KIRREL3: variants seen among roughly 807,000 people sequenced by gnomAD.
KIRREL3 encodes kirre like nephrin family adhesion molecule 3, also known as kin of IRRE-like protein 3.
A neutral mutation model predicts 89.7 loss-of-function variants in KIRREL3; 36 were observed. The observed-to-expected ratio is 0.40, with a 90% CI of 0.31 to 0.53. The LOEUF is 0.53. KIRREL3 is among the 20% of genes least tolerant of loss of function. The probability of loss-of-function intolerance (pLI) is 0.49; values close to 1 mark genes in which losing one functional copy is unlikely to be tolerated. For missense variants in KIRREL3, 864 were observed against 1,056.6 expected (o/e 0.82, Z 2.53); for synonymous variants, 445 against 441.4 (o/e 1.01, Z -0.10).
At position 126,734,646 on chromosome 11, in the gene KIRREL3, G is replaced by A. The variant is rs151187714; in HGVS notation, c.56-171734C>T. On this transcript the variant is annotated intron_variant, in intron 1 of 16. Transcript: ENST00000525144. The surrounding 1 kb of genome is among the most constrained non-coding windows in gnomAD (Gnocchi z 5.9). ...TTGCACTCCAGCCTGGGCAACAAGAGTGAAACTCTGTCTCAAAAGAAAAAA... is the reference window on the plus strand; with the variant it reads ...TTGCACTCCAGCCTGGGCAACAAGAATGAAACTCTGTCTCAAAAGAAAAAA... Among the ~76,000 whole-genome samples the A allele has an allele frequency of 0.014, 2,119 of 151,912 alleles. 45 individuals are homozygous for A. The highest frequency in any genetic ancestry group is 0.045 in the African/African-American group (1,860 of 41,398).
At chr11:126,433,198 G>C (rs1330316481) in intron 13 of KIRREL3, among the ~76,000 whole-genome samples, 1 of 152,224 alleles carries the variant, frequency 6.6e-6, no homozygotes, top group African/African-American at 2.4e-5. Context: ...CAGTCTTAAA[G>C]GCCAGGAAAG....
chr11:126,656,634 A>G lies in KIRREL3; in HGVS notation c.56-93722T>C, dbSNP rs547258124. ...TAAATCTTCATGCTTTTACCACCTTATACTGAGTAAGAAGATGAATTTGCA... is the reference window on the plus strand; with the variant it reads ...TAAATCTTCATGCTTTTACCACCTTGTACTGAGTAAGAAGATGAATTTGCA... On this transcript the variant is annotated intron_variant, in intron 1 of 16. Coordinates refer to ENST00000525144, the MANE Select transcript of KIRREL3 (RefSeq NM_032531.4). This position sits in a 1 kb window ranked among gnomAD's most constrained non-coding sequence, Gnocchi z 4.0. Among the ~76,000 whole-genome samples the G allele has an allele frequency of 6.6e-6, 1 of 152,316 alleles. No homozygotes were observed. The highest frequency in any genetic ancestry group is 2.1e-4 in the South Asian group (1 of 4,828).
chr11:126,590,521 C>T (rs1207211483), intron 1 of KIRREL3, among the ~76,000 whole-genome samples: 1 of 152,224 alleles, frequency 6.6e-6, no homozygotes. Context: ...TCTGCCGTGG[C>T]TGCATGCGGC....
Position 126,683,264 on chromosome 11 carries a change from A to G in KIRREL3, c.56-120352T>C, listed in dbSNP as rs1264970763. Among the ~76,000 whole-genome samples the G allele has an allele frequency of 1.3e-5, 2 of 152,336 alleles. No homozygotes were observed. Among genetic ancestry groups the G allele is most frequent in the Non-Finnish European group, 2.9e-5 (2 of 68,018 alleles). ...AATAGTTTTGGGAGTTCTGGGAGCT[A>G]CTTCCAAGGGCATGAACCAAATCTG... On this transcript the variant is annotated intron_variant, in intron 1 of 16. Coordinates refer to ENST00000525144, the MANE Select transcript of KIRREL3 (RefSeq NM_032531.4). This position sits in a 1 kb window ranked among gnomAD's most constrained non-coding sequence, Gnocchi z 5.2.
chr11:126,532,397 C>T (rs569425498), intron 2 of KIRREL3, among the ~76,000 whole-genome samples: 92 of 137,274 alleles, frequency 6.7e-4, no homozygotes, highest in Non-Finnish European at 9.8e-4. Flanking sequence ...TATTTTGAGA[C>T]GGAGTCTTGC....
intron 1 of KIRREL3, among the ~76,000 whole-genome samples, chr11:126,871,829 A>G (rs930720159): frequency 2.0e-5 from 3 of 152,220 alleles, no homozygotes; most frequent in African/African-American, 7.2e-5. Context: ...ACATTTCATC[A>G]GGTCCTGAAC....
At chr11:126,841,195 G>A (rs1443728477) in intron 1 of KIRREL3, among the ~76,000 whole-genome samples, 4 of 152,186 alleles carry the variant, frequency 2.6e-5, no homozygotes, top group Non-Finnish European at 5.9e-5. Flanking sequence ...AGATAAAGGG[G>A]TCTACTGTCC....
At chr11:126,600,769 G>C (rs1025747303) in intron 1 of KIRREL3, among the ~76,000 whole-genome samples, 6 of 152,184 alleles carry the variant, frequency 3.9e-5, no homozygotes, top group African/African-American at 1.4e-4. Context: ...ATTCAAGGAA[G>C]GGCTCCTTAT....
Position 126,748,790 on chromosome 11 carries a change from T to G in KIRREL3, c.56-185878A>C, listed in dbSNP as rs1311955858. On this transcript the variant is annotated intron_variant, in intron 1 of 16. Transcript: ENST00000525144. This position sits in a 1 kb window ranked among gnomAD's most constrained non-coding sequence, Gnocchi z 4.6. The stretch of plus-strand genomic sequence containing the variant: ...CCCACCGAAACTGTGCATGGGATCC[T>G]TTTGTAATCTGTAGGCTTCAGTCTA... Among the ~76,000 whole-genome samples, 1 of 152,228 alleles carries G rather than the reference T, an allele frequency of 6.6e-6. No individual in the cohort carries two copies. The highest frequency in any genetic ancestry group is 1.5e-5 in the Non-Finnish European group (1 of 68,038).
In KIRREL3 at chr11:126,579,586, C is replaced by A. The variant is rs1469501608; in HGVS notation, c.56-16674G>T. On this transcript the variant is annotated intron_variant, in intron 1 of 16. Coordinates refer to ENST00000525144, the MANE Select transcript of KIRREL3 (RefSeq NM_032531.4). This position sits in a 1 kb window ranked among gnomAD's most constrained non-coding sequence, Gnocchi z 5.3. ...GGGAGACAGAGAGTGAGAAAAGGGG[C>A]AGAAAAAACAGGGCAGGGTACAAAG... Among the ~76,000 whole-genome samples, 1 of 150,690 alleles carries A rather than the reference C, an allele frequency of 6.6e-6. No homozygotes were observed. Among genetic ancestry groups the A allele is most frequent in the Non-Finnish European group, 1.5e-5 (1 of 67,804 alleles).
At chr11:126,960,895 C>T (rs1949065655) in intron 1 of KIRREL3, among the ~76,000 whole-genome samples, 1 of 152,142 alleles carries the variant, frequency 6.6e-6, no homozygotes. Flanking sequence ...TTGTGTCTCA[C>T]ATTATGGTTA....
chr11:126,634,164 G>GT (rs767737573), intron 1 of KIRREL3, among the ~76,000 whole-genome samples: 3 of 152,168 alleles, frequency 2.0e-5, no homozygotes, highest in Non-Finnish European at 2.9e-5. Context: ...GACTGGGTGT[G>GT]TTGTCTGTAT....
At position 126,753,840 on chromosome 11, in the gene KIRREL3, A is replaced by G. The variant is rs140776008; in HGVS notation, c.56-190928T>C. ...ATGAGGCTCCATGCATCTTCATTAC[A>G]TGCTTAGAGATGATTAGATAGAAGG... On this transcript the variant is annotated intron_variant, in intron 1 of 16. Transcript: ENST00000525144. Among the ~76,000 whole-genome samples the G allele has an allele frequency of 2.4e-3, 368 of 152,300 alleles. 3 individuals carry two copies. Among genetic ancestry groups the G allele is most frequent in the African/African-American group, 8.3e-3 (346 of 41,576 alleles).
chr11:126,949,807 C>T (rs2135142874), intron 1 of KIRREL3, among the ~76,000 whole-genome samples: 1 of 152,326 alleles, frequency 6.6e-6, no homozygotes, highest in South Asian at 2.1e-4. Flanking sequence ...AGGAACCACC[C>T]ACAGATGGTC....
chr11:126,924,375 C>T lies in KIRREL3; in HGVS notation c.55+76080G>A, dbSNP rs1296091855. ...CAGAAAGCTGTCTCCCAGCACCTAGCATAACACCAGGTCCTTATAAGTACT... is the reference window on the plus strand; with the variant it reads ...CAGAAAGCTGTCTCCCAGCACCTAGTATAACACCAGGTCCTTATAAGTACT... On this transcript the variant is annotated intron_variant, in intron 1 of 16. Coordinates refer to ENST00000525144, the MANE Select transcript of KIRREL3 (RefSeq NM_032531.4). The surrounding 1 kb of genome is among the most constrained non-coding windows in gnomAD (Gnocchi z 4.7). Among the ~76,000 whole-genome samples, 1 of 152,194 alleles carries T rather than the reference C, an allele frequency of 6.6e-6. No homozygotes were observed. The highest frequency in any genetic ancestry group is 6.5e-5 in the Admixed American group (1 of 15,290).
intron 1 of KIRREL3, among the ~76,000 whole-genome samples, chr11:126,803,712 T>C (rs1951112646): frequency 6.6e-6 from 1 of 152,112 alleles, no homozygotes; most frequent in Non-Finnish European, 1.5e-5. Flanking sequence ...GGCTGTCACC[T>C]GTGCTGTCCC....
Position 126,607,329 on chromosome 11 carries a change from G to A in KIRREL3, c.56-44417C>T, listed in dbSNP as rs759146835. ...GTGTGGTTTTGGGCAGACAGAACGG[G>A]TTTCTTATGGCTGGGGCTGCTTTCT... On this transcript the variant is annotated intron_variant, in intron 1 of 16. Coordinates refer to ENST00000525144, the MANE Select transcript of KIRREL3 (RefSeq NM_032531.4). This position sits in a 1 kb window ranked among gnomAD's most constrained non-coding sequence, Gnocchi z 6.6. Among the ~76,000 whole-genome samples, 9 of 152,220 alleles carry A rather than the reference G, an allele frequency of 5.9e-5. No homozygotes were observed. The highest frequency in any genetic ancestry group is 2.2e-4 in the African/African-American group (9 of 41,450).
In KIRREL3 at chr11:126,655,783, A is replaced by T. The variant is rs1458027597; in HGVS notation, c.56-92871T>A. Among the ~76,000 whole-genome samples the T allele has an allele frequency of 6.6e-6, 1 of 152,200 alleles. No individual in the cohort carries two copies. The highest frequency in any genetic ancestry group is 1.9e-4 in the East Asian group (1 of 5,186). ...GCTCAGGTTTCTGTGTGGCAACAGC[A>T]TGATAAAAATTCTGTCCACTCTACC... is the stretch of plus-strand genomic sequence containing the variant. On this transcript the variant is annotated intron_variant, in intron 1 of 16. Transcript: ENST00000525144. The surrounding 1 kb of genome is among the most constrained non-coding windows in gnomAD (Gnocchi z 5.0).
At chr11:126,529,267 G>T (rs1332641409) in intron 2 of KIRREL3, among the ~76,000 whole-genome samples, 4 of 152,304 alleles carry the variant, frequency 2.6e-5, no homozygotes, top group South Asian at 4.1e-4. Context: ...AGAGGAGGGG[G>T]CTATCACCAT....
Sources: allele counts gnomAD v4.1 joint callset (sites outside exome capture counted in the v4.1 genomes callset), GRCh38; gene constraint gnomAD v4.1.1; non-coding constraint Gnocchi (gnomAD v3.1); transcripts MANE v1.5; gene names NCBI Gene and HGNC (gene_info 2026-07-23, HGNC 2026-07-21).